GABRA4: variants seen among roughly 807,000 people sequenced by gnomAD.
GABRA4 encodes gamma-aminobutyric acid receptor subunit alpha-4.
In GABRA4, 12 loss-of-function variants were observed where a neutral mutation model predicts 49.7. The ratio of observed to expected loss-of-function variants is 0.24; its 90% CI spans 0.15 to 0.39. The LOEUF (loss-of-function observed/expected upper bound fraction) is 0.39. Ranked by LOEUF, GABRA4 falls within the 10% of genes least tolerant of loss-of-function variation. The probability of loss-of-function intolerance (pLI) is 1.00; values close to 1 mark genes in which losing one functional copy is unlikely to be tolerated. For synonymous variants in GABRA4, 288 were observed against 240.2 expected (o/e 1.20, Z -1.84); for missense variants, 506 against 686.0 (o/e 0.74, Z 2.93).
rs909536730 is a variant in GABRA4 at position 46,922,102 on chromosome 4, A to G, written c.*6123T>C. 6.6e-6 allele frequency: 1 copy of G among 152,172 alleles called. No homozygotes were observed. The highest frequency in any genetic ancestry group is 1.5e-5 in the Non-Finnish European group (1 of 68,014). 9.4% of individuals were successfully genotyped at this position (152,172 alleles called of 1,614,324 possible). On this transcript the variant is annotated 3_prime_UTR_variant, in exon 9 of 9. Coordinates refer to ENST00000264318, the MANE Select transcript of GABRA4 (RefSeq NM_000809.4). ...GTAAAGATAAAAATTCTGATAGACT[A>G]TATTTGAGAGTTGTGAACAAGCTTG...
intron 7 of GABRA4, among the ~76,000 whole-genome samples, chr4:46,967,424 A>G (rs1722805179): frequency 6.6e-6 from 1 of 150,564 alleles, no homozygotes; most frequent in Non-Finnish European, 1.5e-5. Flanking sequence ...TTCTCCTCTT[A>G]TCATGTGAAT....
chr4:46,951,274 A>T (rs909002945), intron 8 of GABRA4, among the ~76,000 whole-genome samples: 3 of 149,540 alleles, frequency 2.0e-5, no homozygotes, highest in Non-Finnish European at 4.4e-5. Flanking sequence ...GTTAATATTA[A>T]TAATATTTTA....
intron 8 of GABRA4, among the ~76,000 whole-genome samples, chr4:46,944,173 T>A (rs1023372811): frequency 1.3e-5 from 2 of 152,144 alleles, no homozygotes; most frequent in Non-Finnish European, 2.9e-5. Flanking sequence ...GAGATAGACA[T>A]GTTGATTAGC....
intron 8 of GABRA4, among the ~76,000 whole-genome samples, chr4:46,934,343 A>T (rs564957037): frequency 6.6e-6 from 1 of 152,304 alleles, no homozygotes; most frequent in South Asian, 2.1e-4. Flanking sequence ...AGCTAGAACT[A>T]AACTCCAAGG....
intron 5 of GABRA4, among the ~76,000 whole-genome samples, chr4:46,975,876 G>A (rs529724584): frequency 6.6e-6 from 1 of 151,904 alleles, no homozygotes; most frequent in East Asian, 1.9e-4. Flanking sequence ...TAAATTATTG[G>A]TAAGAGAACA....
chr4:46,960,548 G>A (rs1436541039), intron 8 of GABRA4, among the ~76,000 whole-genome samples: 1 of 151,422 alleles, frequency 6.6e-6, no homozygotes, highest in Non-Finnish European at 1.5e-5. Context: ...TAATACTTCT[G>A]AACATATGCA....
At chr4:46,945,426 C>G (rs913239043) in intron 8 of GABRA4, among the ~76,000 whole-genome samples, 1 of 152,200 alleles carries the variant, frequency 6.6e-6, no homozygotes, top group African/African-American at 2.4e-5. Flanking sequence ...GAAATATGAG[C>G]CTGTTCTTCA....
At chr4:46,978,989 C>A (rs1309219465) in intron 3 of GABRA4, 42 bp downstream of exon 3, 1 of 1,297,174 alleles carries the variant, frequency 7.7e-7, no homozygotes, top group Non-Finnish European at 1.1e-6. Flanking sequence ...TACATGTTTT[C>A]TTCAAGTCTC....
intron 8 of GABRA4, among the ~76,000 whole-genome samples, chr4:46,936,165 CA>C (rs535352859): frequency 1.5e-3 from 233 of 152,286 alleles, no homozygotes; most frequent in Middle Eastern, 6.8e-3. Flanking sequence ...ACTACAGCCA[CA>C]AGTGTTTCAA....
intron 8 of GABRA4, among the ~76,000 whole-genome samples, chr4:46,948,132 T>C (rs1305531565): frequency 6.6e-6 from 1 of 152,136 alleles, no homozygotes; most frequent in Non-Finnish European, 1.5e-5. Flanking sequence ...GGCTTTTGGC[T>C]AATGTCTCTA....
intron 8 of GABRA4, among the ~76,000 whole-genome samples, chr4:46,937,921 T>C (rs1264908024): frequency 1.3e-5 from 2 of 152,162 alleles, no homozygotes; most frequent in Admixed American, 1.3e-4. Flanking sequence ...CAGTGAGTGA[T>C]TATGACTCAC....
At chr4:46,955,900 A>C (rs1255137637) in intron 8 of GABRA4, among the ~76,000 whole-genome samples, 3 of 152,114 alleles carry the variant, frequency 2.0e-5, no homozygotes, top group Non-Finnish European at 4.4e-5. Flanking sequence ...CTAAGTTCCT[A>C]GATTTTGTCT....
At chr4:46,931,014 C>A (rs1204631370) in intron 8 of GABRA4, among the ~76,000 whole-genome samples, 2 of 151,612 alleles carry the variant, frequency 1.3e-5, no homozygotes, top group Non-Finnish European at 2.9e-5. Flanking sequence ...CTTGGGAGAC[C>A]AAGATGGCTA....
intron 8 of GABRA4, 23 bp downstream of exon 8, chr4:46,964,947 T>G: frequency 1.9e-6 from 3 of 1,545,976 alleles, no homozygotes; most frequent in Non-Finnish European, 2.6e-6. Context: ...AATCTTAAAC[T>G]GAAGGTGGAT....
At chr4:46,992,356 G>A (rs148526173) in intron 2 of GABRA4, among the ~76,000 whole-genome samples, 112 of 152,314 alleles carry the variant, frequency 7.4e-4, no homozygotes, top group Non-Finnish European at 1.4e-3. Context: ...AGCAGAGCAG[G>A]CAGCTTCATG....
At chr4:46,972,061 C>T (rs1044139340) in intron 6 of GABRA4, among the ~76,000 whole-genome samples, 3 of 151,654 alleles carry the variant, frequency 2.0e-5, no homozygotes, top group African/African-American at 7.2e-5. Context: ...AGAAACCTCA[C>T]ATCCTACCAG....
chr4:46,993,291 A>G (rs779635395), intron 1 of GABRA4, 48 bp downstream of exon 1: 1 of 1,527,674 alleles, frequency 6.5e-7, no homozygotes, highest in South Asian at 1.1e-5. Flanking sequence ...GGAGCTAGCC[A>G]TTTCTCCACT....
chr4:46,958,360 T>C (rs1722438981), intron 8 of GABRA4, among the ~76,000 whole-genome samples: 1 of 151,970 alleles, frequency 6.6e-6, no homozygotes, highest in African/African-American at 2.4e-5. Flanking sequence ...TAAGATACAG[T>C]GTGCATATAT....
chr4:46,957,212 T>A (rs560793785), intron 8 of GABRA4, among the ~76,000 whole-genome samples: 21 of 151,928 alleles, frequency 1.4e-4, no homozygotes. Context: ...ATCCTCAAGA[T>A]CCTAGAGCTC....
Sources: gnomAD v4.1 joint callset for allele counts (sites outside exome capture counted in the v4.1 genomes callset) on GRCh38, gnomAD v4.1.1 for gene constraint, MANE v1.5 for transcripts, NCBI Gene and HGNC (gene_info 2026-07-23, HGNC 2026-07-21) for gene names.